The following ABLIM1 variants were observed in gnomAD, a reference collection of about 807,000 sequenced individuals.
The protein encoded by ABLIM1 is actin binding LIM protein 1, also known as actin-binding LIM protein 1.
ABLIM1 carries 40 observed loss-of-function variants against 107.0 expected under a neutral mutation model. The observed-to-expected ratio is 0.37, with a 90% CI of 0.29 to 0.49. ABLIM1 has a LOEUF of 0.49. Among genes scored for constraint, ABLIM1 ranks in the 20% least tolerant of loss-of-function variants. The pLI, the probability that ABLIM1 is intolerant of heterozygous loss-of-function variation, is 0.97. For missense variants in ABLIM1, 857 were observed against 1,008.5 expected, an observed-to-expected ratio of 0.85 and a Z score of 2.04; for synonymous variants, 357 against 357.3, an observed-to-expected ratio of 1.00 and a Z score of 0.01.
chr10:114,573,186 T>C (rs945421105), intron 3 of ABLIM1, among the ~76,000 whole-genome samples: 1 of 152,244 alleles, frequency 6.6e-6, no homozygotes, highest in African/African-American at 2.4e-5. Context: ...TGAATGTTTA[T>C]AATAGAAAGA....
chr10:114,745,893 C>G (rs1270932076), intron 1 of ABLIM1, among the ~76,000 whole-genome samples: 1 of 152,110 alleles, frequency 6.6e-6, no homozygotes, highest in Non-Finnish European at 1.5e-5. Flanking sequence ...ACGTCAATCT[C>G]TATAATGCAA....
intron 9 of ABLIM1, 35 bp downstream of exon 9, chr10:114,473,844 T>C: frequency 6.5e-7 from 1 of 1,529,366 alleles, no homozygotes; most frequent in Admixed American, 1.7e-5. Context: ...AATTTACCTG[T>C]CCCAGAAATG....
chr10:114,459,549 C>A lies in ABLIM1; in HGVS notation c.1442-6066G>T, dbSNP rs560475374. On this transcript the variant is annotated intron_variant, in intron 12 of 22. Coordinates refer to ENST00000533213, the MANE Select transcript of ABLIM1 (RefSeq NM_002313.7). ...ATATCTTTAATGTACAAAATCTCCA[C>A]CACATATCTTTTTTTTTTTTTACAC... Among the ~76,000 whole-genome samples the A allele has an allele frequency of 2.2e-4, 30 of 138,770 alleles. No individual in the cohort carries two copies. In the South Asian group the frequency reaches 7.0e-3, roughly 32 times the overall value. The allele number at this position is 138,770 out of a possible 152,430, so 91.0% of individuals were successfully genotyped here.
chr10:114,759,779 CTGG>C, intron 1 of ABLIM1, among the ~76,000 whole-genome samples: 1 of 152,158 alleles, frequency 6.6e-6, no homozygotes, highest in African/African-American at 2.4e-5. Context: ...ATAAGGCATG[CTGG>C]CTAGAAACAC....
At chr10:114,765,342 C>T (rs1192017131) in intron 1 of ABLIM1, among the ~76,000 whole-genome samples, 1 of 148,460 alleles carries the variant, frequency 6.7e-6, no homozygotes, top group Admixed American at 6.7e-5. Context: ...AGCCACTGCG[C>T]CCGGCCATTT....
chr10:114,483,674 G>A (rs2057738188), intron 8 of ABLIM1, among the ~76,000 whole-genome samples: 1 of 152,266 alleles, frequency 6.6e-6, no homozygotes, highest in East Asian at 1.9e-4. Context: ...TTTCCATCGT[G>A]CAAAGAAAGA....
Position 114,460,150 on chromosome 10 carries a change from C to T in ABLIM1, c.1441+5548G>A, listed in dbSNP as rs146089752. On this transcript the variant is annotated intron_variant, in intron 12 of 22. Coordinates refer to ENST00000533213, the MANE Select transcript of ABLIM1 (RefSeq NM_002313.7). The stretch of plus-strand genomic sequence containing the variant: ...AACGCATGGCCCTCATATGAAGGAG[C>T]GTTCCTGGGGAGGAGGGGGCCTGGG... 7.2e-5 allele frequency among the ~76,000 whole-genome samples: 11 copies of T among 152,264 alleles called. No individual in the cohort carries two copies. In the East Asian group the frequency reaches 1.7e-3, roughly 24 times the overall value.
chr10:114,739,128 C>A (rs767314248), intron 1 of ABLIM1, among the ~76,000 whole-genome samples: 11 of 152,188 alleles, frequency 7.2e-5, no homozygotes, highest in Non-Finnish European at 1.3e-4. Flanking sequence ...TTTGAACAGT[C>A]TCTTTTAAAA....
intron 19 of ABLIM1, 72 bp downstream of exon 19, chr10:114,440,945 A>G (rs1027439355): frequency 1.4e-6 from 2 of 1,402,656 alleles, no homozygotes; most frequent in Admixed American, 1.9e-5. Context: ...CACAGCCAGT[A>G]TACTTGACTC....
intron 1 of ABLIM1, among the ~76,000 whole-genome samples, chr10:114,710,145 G>A (rs1051063289): frequency 2.0e-5 from 3 of 152,162 alleles, no homozygotes; most frequent in African/African-American, 7.2e-5. Flanking sequence ...CAGCTCAACT[G>A]CCCAACAGAT....
rs116557860 is a variant in ABLIM1 at position 114,647,696 on chromosome 10, A to C, written c.244+10261T>G. On this transcript the variant is annotated intron_variant, in intron 1 of 22. Transcript: ENST00000533213. ...CCCTCTCCACTTGGGCTGCAGACAA[A>C]CCTTTGTGAGCTAGATTTTTCTGGG... Among the ~76,000 whole-genome samples, 311 of 152,170 alleles carry C rather than the reference A, an allele frequency of 2.0e-3. 3 individuals carry two copies. The highest frequency in any genetic ancestry group is 7.0e-3 in the African/African-American group (289 of 41,496).
chr10:114,704,340 C>T (rs1311319676), intron 1 of ABLIM1, among the ~76,000 whole-genome samples: 3 of 94,656 alleles, frequency 3.2e-5, no homozygotes, highest in South Asian at 7.9e-4. Context: ...ATATATTGCG[C>T]GCGTTACATC....
At chr10:114,504,272 A>G (rs1200167789) in intron 6 of ABLIM1, among the ~76,000 whole-genome samples, 1 of 152,064 alleles carries the variant, frequency 6.6e-6, no homozygotes, top group African/African-American at 2.4e-5. Flanking sequence ...TCCATCCAAC[A>G]CTTGGTGGGC....
At chr10:114,787,617 G>A in the ABLIM1 span, among the ~76,000 whole-genome samples, 9 of 146,326 alleles carry the variant, frequency 6.2e-5, no homozygotes, top group African/African-American at 7.5e-5. Context: ...CGCCCCGTCC[G>A]GGAGGTGAGG....
At chr10:114,486,708 G>A (rs1014986517) in intron 8 of ABLIM1, among the ~76,000 whole-genome samples, 1 of 146,790 alleles carries the variant, frequency 6.8e-6, no homozygotes, top group African/African-American at 2.4e-5. Flanking sequence ...CAGAGAAAAA[G>A]TGTTTTTTTT....
intron 1 of ABLIM1, among the ~76,000 whole-genome samples, chr10:114,692,462 C>A (rs2141726979): frequency 6.6e-6 from 1 of 151,862 alleles, no homozygotes; most frequent in South Asian, 2.1e-4. Flanking sequence ...AACAAACAAA[C>A]AAAACCTTTC....
chr10:114,469,456 C>T (rs959254456), intron 10 of ABLIM1, among the ~76,000 whole-genome samples: 4 of 152,204 alleles, frequency 2.6e-5, no homozygotes, highest in Admixed American at 2.0e-4. Context: ...CACTTGCTGT[C>T]TCTTCTGCTG....
intron 1 of ABLIM1, among the ~76,000 whole-genome samples, chr10:114,761,413 C>T (rs2082743046): frequency 1.3e-5 from 2 of 152,180 alleles, no homozygotes; most frequent in African/African-American, 4.8e-5. Context: ...CCTCTCTGCC[C>T]CAGCTTGCTA....
chr10:114,580,195 A>T (rs1258107570), intron 2 of ABLIM1, among the ~76,000 whole-genome samples: 1 of 135,890 alleles, frequency 7.4e-6, no homozygotes, highest in South Asian at 2.3e-4. Context: ...TTAATATTAT[A>T]TATTATATAT....
Sources: allele counts gnomAD v4.1 joint callset (sites outside exome capture counted in the v4.1 genomes callset), GRCh38; gene constraint gnomAD v4.1.1; transcripts MANE v1.5; gene names NCBI Gene and HGNC (gene_info 2026-07-23, HGNC 2026-07-21).